Variants in CATSPERE observed in about 807,000 individuals in gnomAD.
The protein encoded by CATSPERE is cation channel sperm-associated auxiliary subunit epsilon.
CATSPERE carries 93 observed loss-of-function variants against 114.1 expected under a neutral mutation model. The observed-to-expected ratio is 0.81, with a 90% confidence interval of 0.69 to 0.97. CATSPERE has a LOEUF of 0.97. Among genes scored for constraint, CATSPERE ranks in the 50% least tolerant of loss-of-function variants. The probability of loss-of-function intolerance (pLI) is 0.00; values close to 1 mark genes in which losing one functional copy is unlikely to be tolerated. For missense variants in CATSPERE, 1,058 were observed against 1,131.6 expected (o/e 0.93, Z 0.93); for synonymous variants, 341 against 384.1 (o/e 0.89, Z 1.31).
At chr1:244,510,755 A>G (rs1051208292) in intron 7 of CATSPERE, among the ~76,000 whole-genome samples, 2 of 145,768 alleles carry the variant, frequency 1.4e-5, no homozygotes, top group African/African-American at 5.0e-5. Flanking sequence ...CTCCCTTTAG[A>G]TGTAATTATA....
intron 7 of CATSPERE, among the ~76,000 whole-genome samples, chr1:244,506,305 C>T (rs2148306980): frequency 6.6e-6 from 1 of 152,290 alleles, no homozygotes; most frequent in African/African-American, 2.4e-5. Context: ...TCACTGGACA[C>T]ATGGGTTGCT....
chr1:244,627,216 T>C (rs574660537), intron 20 of CATSPERE, among the ~76,000 whole-genome samples: 4 of 152,278 alleles, frequency 2.6e-5, no homozygotes, highest in African/African-American at 7.2e-5. Flanking sequence ...AAGTCCACTA[T>C]CTTATATGGT....
At chr1:244,517,824 G>A (rs1214384151) in intron 7 of CATSPERE, among the ~76,000 whole-genome samples, 1 of 151,052 alleles carries the variant, frequency 6.6e-6, no homozygotes, top group East Asian at 1.9e-4. Context: ...GGCCTTCCCT[G>A]ACCATTATTC....
intron 8 of CATSPERE, among the ~76,000 whole-genome samples, chr1:244,520,987 A>G (rs939927175): frequency 5.3e-5 from 8 of 152,232 alleles, no homozygotes; most frequent in Non-Finnish European, 8.8e-5. Flanking sequence ...AGAGCTATAT[A>G]AGAAAGGAAA....
rs117530733 is a variant in CATSPERE, at chr1:244,604,220, A to G, written c.2304-1475A>G. 2.5e-3 allele frequency among the ~76,000 whole-genome samples: 380 copies of G among 152,318 alleles called. 5 individuals carry two copies. The highest frequency in any genetic ancestry group is 0.014 in the East Asian group (71 of 5,174). ...TGAATACTCTGTGGCCTTCCTCCCC[A>G]TCAGAAAAGAAGCCAAACACCAATC... On this transcript the variant is annotated intron_variant, in intron 17 of 21. Coordinates refer to ENST00000366534, the MANE Select transcript of CATSPERE (RefSeq NM_001130957.2).
At chr1:244,538,549 T>C (rs1680712259) in intron 8 of CATSPERE, among the ~76,000 whole-genome samples, 1 of 152,112 alleles carries the variant, frequency 6.6e-6, no homozygotes, top group Non-Finnish European at 1.5e-5. Flanking sequence ...TTTGCCAATA[T>C]CCAAGAACTC....
chr1:244,595,471 G>A (rs1236734427), intron 17 of CATSPERE, among the ~76,000 whole-genome samples: 1 of 152,156 alleles, frequency 6.6e-6, no homozygotes, highest in African/African-American at 2.4e-5. Flanking sequence ...AGTCTTTCAA[G>A]TAAAACAGAC....
chr1:244,526,650 C>A (rs376212693), intron 8 of CATSPERE, among the ~76,000 whole-genome samples: 1 of 134,412 alleles, frequency 7.4e-6, no homozygotes, highest in Non-Finnish European at 1.6e-5. Flanking sequence ...TAGTCTTTTT[C>A]TTTTTTTTTT....
chr1:244,470,277 A>G (rs1668266912), intron 2 of CATSPERE, among the ~76,000 whole-genome samples: 1 of 152,226 alleles, frequency 6.6e-6, no homozygotes, highest in Non-Finnish European at 1.5e-5. Context: ...TTTGTGATTC[A>G]TGTATCTTAT....
At chr1:244,451,930 G>A, upstream of CATSPERE, 1 of 1,156,518 alleles carries the variant, frequency 8.6e-7, no homozygotes, top group Non-Finnish European at 1.2e-6. The surrounding 1 kb of genome is among the most constrained non-coding windows in gnomAD (Gnocchi z 6.6). Flanking sequence ...CCAGAGGCCG[G>A]CCCCGCCCCC....
chr1:244,530,592 C>T (rs1679429890), intron 8 of CATSPERE, among the ~76,000 whole-genome samples: 1 of 152,010 alleles, frequency 6.6e-6, no homozygotes, highest in African/African-American at 2.4e-5. Context: ...TTGCATTGAA[C>T]CTGTAGATTG....
intron 15 of CATSPERE, among the ~76,000 whole-genome samples, chr1:244,592,485 A>AG (rs1333791174): frequency 2.0e-5 from 3 of 152,196 alleles, no homozygotes; most frequent in Non-Finnish European, 4.4e-5. Flanking sequence ...AATATTTACA[A>AG]GCATCTTTGA....
intron 8 of CATSPERE, among the ~76,000 whole-genome samples, chr1:244,543,693 GA>G: frequency 1.3e-5 from 2 of 148,766 alleles, no homozygotes; most frequent in Middle Eastern, 7.2e-3. Context: ...AATATGGTAG[GA>G]ACTCCCCAGT....
intron 7 of CATSPERE, among the ~76,000 whole-genome samples, chr1:244,509,921 T>A (rs1405854395): frequency 6.6e-6 from 1 of 152,216 alleles, no homozygotes; most frequent in Non-Finnish European, 1.5e-5. Context: ...TCCACATCAG[T>A]TGTAATGTGT....
At chr1:244,574,079 A>G (rs1664876979) in intron 11 of CATSPERE, among the ~76,000 whole-genome samples, 1 of 152,214 alleles carries the variant, frequency 6.6e-6, no homozygotes, top group Non-Finnish European at 1.5e-5. Flanking sequence ...TCTTGTCTCC[A>G]TTGACTGAAG....
chr1:244,502,391 G>GT (rs1424481217), intron 7 of CATSPERE, among the ~76,000 whole-genome samples: 1 of 151,748 alleles, frequency 6.6e-6, no homozygotes, highest in Non-Finnish European at 1.5e-5. Flanking sequence ...TTTTGTTTCT[G>GT]TTTTTTATCT....
At position 244,593,578 on chromosome 1, in the gene CATSPERE, T is replaced by C; in HGVS notation, c.2303T>C (p.Leu768Pro). Residue 768 changes from leucine to proline, a missense_variant and splice_region_variant, in exon 17 of 22, where the codon CTA becomes CCA. Physicochemically the swap from Leu to Pro is moderately conservative, Grantham distance 98. Transcript: ENST00000366534. The part of the protein sequence containing the change: ...FTEKFQPVVQ[L>P]FDDNGYVKDV... ...GAAAAGTTTCAACCTGTGGTTCAACTGTAAGTATATTCTCATCAACATTTT... is the reference window on the plus strand; with the variant it reads ...GAAAAGTTTCAACCTGTGGTTCAACCGTAAGTATATTCTCATCAACATTTT... 1 of 1,610,572 alleles carries C rather than the reference T, an allele frequency of 6.2e-7. No individual in the cohort carries two copies. Among genetic ancestry groups the C allele is most frequent in the African/African-American group, 1.3e-5 (1 of 74,942 alleles).
chr1:244,580,792 G>GGAGT (rs1666051663), intron 11 of CATSPERE, among the ~76,000 whole-genome samples: 1 of 151,960 alleles, frequency 6.6e-6, no homozygotes, highest in South Asian at 2.1e-4. Flanking sequence ...CCTGAGGTCG[G>GGAGT]GAGTTCAAGA....
chr1:244,523,235 C>A (rs1172380807), intron 8 of CATSPERE, among the ~76,000 whole-genome samples: 2 of 148,890 alleles, frequency 1.3e-5, no homozygotes, highest in Admixed American at 6.6e-5. Context: ...AAGACAAAAA[C>A]CACATGATTA....
Sources: allele counts gnomAD v4.1 joint callset (sites outside exome capture counted in the v4.1 genomes callset), GRCh38; gene constraint gnomAD v4.1.1; non-coding constraint Gnocchi (gnomAD v3.1); transcripts MANE v1.5; gene names NCBI Gene and HGNC (gene_info 2026-07-23, HGNC 2026-07-21).